Variants in ANKRD31 observed in about 807,000 individuals in gnomAD.
ANKRD31 encodes ankyrin repeat domain 31, also known as ankyrin repeat domain-containing protein 31.
ANKRD31 carries 147 observed loss-of-function variants against 186.0 expected under a neutral mutation model. The ratio of observed to expected loss-of-function variants is 0.79; its 90% confidence interval spans 0.69 to 0.91. The LOEUF (loss-of-function observed/expected upper bound fraction) is 0.91, where lower values mean the gene tolerates loss of function less well. Among genes scored for constraint, ANKRD31 ranks in the 40% least tolerant of loss-of-function variants. The pLI is 0.00. For synonymous variants in ANKRD31, 673 were observed against 736.4 expected, an observed-to-expected ratio of 0.91 and a Z score of 1.39; for missense variants, 1,986 against 2,148.8, an observed-to-expected ratio of 0.92 and a Z score of 1.50.
chr5:75,188,694 T>C, intron 9 of ANKRD31, 46 bp from the exon 10 acceptor site: 3 of 1,452,262 alleles, frequency 2.1e-6, no homozygotes, highest in Non-Finnish European at 2.8e-6. Context: ...TATTTGAATA[T>C]CAGAAGGAAT....
At chr5:75,098,055 C>T (rs1295323268) in intron 22 of ANKRD31, among the ~76,000 whole-genome samples, 3 of 151,804 alleles carry the variant, frequency 2.0e-5, no homozygotes, top group South Asian at 2.1e-4. Context: ...GACGCAGTCT[C>T]ACTGTGTCGC....
intron 8 of ANKRD31, 78 bp downstream of exon 8, chr5:75,193,233 C>A: frequency 7.1e-6 from 10 of 1,417,494 alleles, no homozygotes; most frequent in Non-Finnish European, 9.4e-6. Flanking sequence ...TGTATACTGA[C>A]CCTGATGTCC....
At chr5:75,236,245 G>GTC (rs1465998191) in intron 1 of ANKRD31, among the ~76,000 whole-genome samples, 1 of 152,146 alleles carries the variant, frequency 6.6e-6, no homozygotes, top group Non-Finnish European at 1.5e-5. Flanking sequence ...GCAAAATGAA[G>GTC]TCTCCTGAAA....
chr5:75,105,354 A>G (rs953563516), intron 21 of ANKRD31, 136 bp from the exon 22 acceptor site: 111 of 959,600 alleles, frequency 1.2e-4, no homozygotes, highest in Non-Finnish European at 1.4e-4. Flanking sequence ...TGTGCAATTT[A>G]CTGCCTTTGA....
chr5:75,129,312 A>G (rs544301996), intron 17 of ANKRD31, among the ~76,000 whole-genome samples: 1 of 152,244 alleles, frequency 6.6e-6, no homozygotes, highest in East Asian at 1.9e-4. Flanking sequence ...TTTCTTCATA[A>G]AGCACCCAGC....
chr5:75,145,394 A>C (rs1751362097), intron 14 of ANKRD31, among the ~76,000 whole-genome samples: 1 of 152,158 alleles, frequency 6.6e-6, no homozygotes, highest in Non-Finnish European at 1.5e-5. Context: ...ACACCATGGA[A>C]TACTATGCAG....
Position 75,144,135 on chromosome 5 carries a change from A to C in ANKRD31, c.3461T>G (p.Ile1154Arg), listed in dbSNP as rs569123852. ...ELTNNISGDE[I>R]TIRNCEEIKE... is the part of the protein sequence containing the mutation. ...TATCTCCTCACAATTTCTTATAGTT[A>C]TTTCATCTCCACTGATGTTATTAGT... The change falls in exon 15 of 26, where the codon ATA becomes AGA. Residue 1154 changes from isoleucine (I) to arginine (R), a missense_variant. Physicochemically the swap from Ile to Arg is moderately conservative, Grantham distance 97. Transcript: ENST00000506364. The C allele has an allele frequency of 7.5e-6, 3 of 397,378 alleles. No homozygotes were observed. The highest frequency in any genetic ancestry group is 1.3e-5 in the Non-Finnish European group (3 of 225,270). The allele number at this position is 397,378 out of a possible 1,614,324, so 24.6% of individuals were successfully genotyped here. A position where few individuals can be genotyped will look rare whatever the true frequency, so the allele number is the denominator to read the frequency against.
chr5:75,181,147 C>T (rs943482471), intron 10 of ANKRD31, among the ~76,000 whole-genome samples: 1 of 152,152 alleles, frequency 6.6e-6, no homozygotes, highest in Non-Finnish European at 1.5e-5. Context: ...CTCATCATCA[C>T]TGGCCATCAG....
At chr5:75,118,571 G>T (rs184927464) in intron 17 of ANKRD31, among the ~76,000 whole-genome samples, 1 of 152,280 alleles carries the variant, frequency 6.6e-6, no homozygotes, top group African/African-American at 2.4e-5. Flanking sequence ...TTCAGTTCTA[G>T]ATCGGTACTG....
chr5:75,103,818 G>A (rs1374474978), intron 22 of ANKRD31, among the ~76,000 whole-genome samples: 1 of 152,128 alleles, frequency 6.6e-6, no homozygotes, highest in East Asian at 1.9e-4. Flanking sequence ...GTGAACACAG[G>A]GAGGGGAACA....
chr5:75,115,267 T>C (rs1457639919), intron 19 of ANKRD31, among the ~76,000 whole-genome samples: 1 of 150,954 alleles, frequency 6.6e-6, no homozygotes, highest in African/African-American at 2.4e-5. Flanking sequence ...TCAAGATGGA[T>C]TAAAGACTTA....
chr5:75,093,944 T>C (rs962425377), intron 22 of ANKRD31, among the ~76,000 whole-genome samples: 1 of 152,186 alleles, frequency 6.6e-6, no homozygotes, highest in African/African-American at 2.4e-5. Flanking sequence ...TAGGCTAATA[T>C]GAATCCACAT....
At chr5:75,141,976 CAT>C (rs374408261) in intron 15 of ANKRD31, among the ~76,000 whole-genome samples, 1 of 152,116 alleles carries the variant, frequency 6.6e-6, no homozygotes, top group Non-Finnish European at 1.5e-5. Context: ...TGACTAAAAA[CAT>C]AAAATAACAA....
At chr5:75,189,708 T>C (rs1255997719) in intron 9 of ANKRD31, among the ~76,000 whole-genome samples, 1 of 152,210 alleles carries the variant, frequency 6.6e-6, no homozygotes, top group East Asian at 1.9e-4. Flanking sequence ...GGGGAAAGCA[T>C]TTAATCTTTC....
chr5:75,072,353 C>CTT (rs78046164), intron 25 of ANKRD31, among the ~76,000 whole-genome samples: 21 of 148,658 alleles, frequency 1.4e-4, no homozygotes, highest in Admixed American at 6.0e-4. Flanking sequence ...CTAGGAAGCC[C>CTT]TTTTTTTTTT....
chr5:75,104,100 C>T (rs74290916), intron 22 of ANKRD31, 128 bp downstream of exon 22: 123,735 of 706,400 alleles, frequency 0.18, 12,107 homozygotes, highest in South Asian at 0.37. Context: ...GGTTGTGTCC[C>T]TCCATTCAGG....
chr5:75,212,602 C>T (rs546393641), intron 3 of ANKRD31, among the ~76,000 whole-genome samples: 21 of 152,304 alleles, frequency 1.4e-4, no homozygotes, highest in African/African-American at 4.8e-4. Context: ...CACTGCACCC[C>T]AGCCTGGGTG....
At chr5:75,124,565 A>C (rs1749056075) in intron 17 of ANKRD31, among the ~76,000 whole-genome samples, 1 of 151,934 alleles carries the variant, frequency 6.6e-6, no homozygotes, top group Admixed American at 6.6e-5. Flanking sequence ...GATAAATAAA[A>C]TGTGGTAAAT....
chr5:75,077,661 C>T (rs990358684), intron 25 of ANKRD31, among the ~76,000 whole-genome samples: 2 of 152,018 alleles, frequency 1.3e-5, no homozygotes, highest in East Asian at 1.9e-4. Context: ...CGCGGTGGCT[C>T]ATGCCTGTAA....
Sources: allele counts gnomAD v4.1 joint callset (sites outside exome capture counted in the v4.1 genomes callset), GRCh38; gene constraint gnomAD v4.1.1; transcripts MANE v1.5; gene names NCBI Gene and HGNC (gene_info 2026-07-23, HGNC 2026-07-21).